Variants in SLC16A4 observed in about 807,000 individuals in gnomAD.
SLC16A4 encodes probable monocarboxylate transporter 5.
In SLC16A4, 39 loss-of-function variants were observed where a neutral mutation model predicts 47.9. That is an observed-to-expected ratio of 0.81 (90% confidence interval 0.63 to 1.06). SLC16A4 has a LOEUF of 1.06. Among genes scored for constraint, SLC16A4 ranks in the 50% least tolerant of loss-of-function variants. The probability of loss-of-function intolerance (pLI) is 0.00; values close to 1 mark genes in which losing one functional copy is unlikely to be tolerated. For synonymous variants in SLC16A4, 189 were observed against 199.9 expected, an observed-to-expected ratio of 0.95 and a Z score of 0.46; for missense variants, 524 against 573.8, an observed-to-expected ratio of 0.91 and a Z score of 0.89.
chr1:110,380,058 C>CAAAAAAAAAAAAAAAAAAAAAAAAAAAAA lies in SLC16A4; in HGVS notation c.527-703_527-702insTTTTTTTTTTTTTTTTTTTTTTTTTTTTT, dbSNP rs542273389. On this transcript the variant is annotated intron_variant, in intron 5 of 8. Coordinates refer to ENST00000369779, the MANE Select transcript of SLC16A4 (RefSeq NM_004696.3). ...AATGACAAAGCGAGAGAGCCTGTCTCAAAAAAAAAAAAAAAGCAGCGGGAG... is the reference window on the plus strand; with the variant it reads ...AATGACAAAGCGAGAGAGCCTGTCTCAAAAAAAAAAAAAAAAAAAAAAAAAAAAAAAAAAAAAAAAAAAAGCAGCGGGAG... Among the ~76,000 whole-genome samples the CAAAAAAAAAAAAAAAAAAAAAAAAAAAAA allele has an allele frequency of 7.7e-4, 74 of 96,192 alleles. 6 individuals are homozygous for CAAAAAAAAAAAAAAAAAAAAAAAAAAAAA. In the East Asian group the frequency reaches 9.4e-3, roughly 12 times the overall value. The allele number at this position is 96,192 out of a possible 152,430, so 63.1% of individuals were successfully genotyped here.
intron 8 of SLC16A4, among the ~76,000 whole-genome samples, chr1:110,374,403 G>A (rs1462775390): frequency 6.6e-6 from 1 of 152,156 alleles, no homozygotes; most frequent in African/African-American, 2.4e-5. Flanking sequence ...TTTAAAAAAT[G>A]ATAGTAGGAC....
intron 8 of SLC16A4, among the ~76,000 whole-genome samples, chr1:110,366,346 G>A (rs945110063): frequency 2.0e-5 from 3 of 152,122 alleles, no homozygotes; most frequent in African/African-American, 7.2e-5. Flanking sequence ...TTTTAGTAGA[G>A]ATGGGGTTTC....
intron 8 of SLC16A4, among the ~76,000 whole-genome samples, chr1:110,365,830 G>A (rs1435677580): frequency 6.6e-6 from 1 of 152,130 alleles, no homozygotes; most frequent in Admixed American, 6.6e-5. Flanking sequence ...ACACCCTGGG[G>A]AAAGACTAGG....
chr1:110,377,425 C>T (rs112273976), intron 6 of SLC16A4, among the ~76,000 whole-genome samples: 3,125 of 152,238 alleles, frequency 0.021, 56 homozygotes, highest in African/African-American at 0.031. Flanking sequence ...GGAAAGCTTA[C>T]GTCACTACAG....
chr1:110,373,162 C>T (rs890617800), intron 8 of SLC16A4, among the ~76,000 whole-genome samples: 1 of 152,056 alleles, frequency 6.6e-6, no homozygotes, highest in Admixed American at 6.5e-5. Flanking sequence ...ACTATTTAAA[C>T]ATTTTATTTT....
chr1:110,382,341 C>G (rs1662448918), intron 3 of SLC16A4, among the ~76,000 whole-genome samples: 2 of 152,062 alleles, frequency 1.3e-5, no homozygotes, highest in South Asian at 4.1e-4. Flanking sequence ...CGCCTGTAAT[C>G]CCAGCTAGTT....
chr1:110,377,211 T>A, intron 6 of SLC16A4, 50 bp from the exon 7 acceptor site: 1 of 1,433,386 alleles, frequency 7.0e-7, no homozygotes, highest in Non-Finnish European at 9.8e-7. Flanking sequence ...TTGAAAAATG[T>A]GAATGCATAC....
rs199647002 is a variant in SLC16A4, at chr1:110,381,162, A to G, written c.365-19T>C. ...CCCAAACCTAAAAGAAAAACGTAAT[A>G]GTTTAGAATCACTCTTACATTAAGT... On this transcript the variant is annotated intron_variant, in intron 4 of 8. Transcript: ENST00000369779. 7.0e-4 allele frequency: 1,124 copies of G among 1,611,370 alleles called. 2 individuals are homozygous for G. Among genetic ancestry groups the G allele is most frequent in the Non-Finnish European group, 9.0e-4 (1,066 of 1,177,918 alleles).
intron 1 of SLC16A4, among the ~76,000 whole-genome samples, chr1:110,390,627 G>A (rs903155686): frequency 5.3e-5 from 8 of 152,158 alleles, no homozygotes; most frequent in African/African-American, 9.7e-5. Context: ...AATCGGTTCC[G>A]TAAAATAAAC....
intron 2 of SLC16A4, among the ~76,000 whole-genome samples, chr1:110,385,064 C>A (rs1345462330): frequency 6.6e-6 from 1 of 152,130 alleles, no homozygotes; most frequent in Non-Finnish European, 1.5e-5. Flanking sequence ...TTCATTAATT[C>A]CACTTTCTCG....
In SLC16A4 at chr1:110,375,381, A is replaced by G. The variant is rs180959728; in HGVS notation, c.1336+77T>C. The G allele has an allele frequency of 2.3e-4, 194 of 829,996 alleles. No individual in the cohort carries two copies. In the African/African-American group the frequency reaches 2.7e-3, roughly 11 times the overall value. 51.4% of individuals were successfully genotyped at this position (829,996 alleles called of 1,614,324 possible). On this transcript the variant is annotated intron_variant, in intron 8 of 8. Transcript: ENST00000369779. ...TCTTTTAACCTGATACCATCATTAC[A>G]TGTTACCATTAATCCTGGATCAGTT...
chr1:110,373,333 G>C (rs913567048), intron 8 of SLC16A4, among the ~76,000 whole-genome samples: 7 of 152,122 alleles, frequency 4.6e-5, no homozygotes, highest in African/African-American at 1.7e-4. Context: ...GACAGCCAAT[G>C]AAGAAGGATC....
chr1:110,376,927 T>C, intron 7 of SLC16A4, 23 bp downstream of exon 7: 1 of 1,587,808 alleles, frequency 6.3e-7, no homozygotes, highest in Non-Finnish European at 8.6e-7. Context: ...GGTTTAACAA[T>C]GTTAATGAGT....
intron 8 of SLC16A4, among the ~76,000 whole-genome samples, chr1:110,364,924 G>A (rs1661299580): frequency 6.6e-6 from 1 of 151,172 alleles, no homozygotes; most frequent in Non-Finnish European, 1.5e-5. Flanking sequence ...AACTGAGTAG[G>A]TGATAGCAAA....
intron 6 of SLC16A4, 122 bp downstream of exon 6, chr1:110,378,731 T>A: frequency 7.7e-7 from 1 of 1,306,418 alleles, no homozygotes; most frequent in Non-Finnish European, 1.0e-6. Context: ...AAAATTTTAC[T>A]TTCTCTGGCC....
chr1:110,374,712 C>G (rs896008299), intron 8 of SLC16A4, among the ~76,000 whole-genome samples: 2 of 152,226 alleles, frequency 1.3e-5, no homozygotes, highest in Non-Finnish European at 2.9e-5. Flanking sequence ...CATATCAGAA[C>G]TCCCCAAATG....
rs1339256465 is a variant in SLC16A4, at chr1:110,382,985, G to C, written c.88-19C>G. 1.9e-6 allele frequency: 3 copies of C among 1,579,710 alleles called. No homozygotes were observed. Among genetic ancestry groups the C allele is most frequent in the Non-Finnish European group, 2.6e-6 (3 of 1,157,978 alleles). ...CATTCACCTAAATCAAAGCAGACCA[G>C]AGTCCAACTCAGGTGGTAAGTGAGC... On this transcript the variant is annotated intron_variant, in intron 2 of 8. Coordinates refer to ENST00000369779, the MANE Select transcript of SLC16A4 (RefSeq NM_004696.3).
chr1:110,390,491 A>G (rs1236126279), intron 1 of SLC16A4, among the ~76,000 whole-genome samples: 1 of 152,228 alleles, frequency 6.6e-6, no homozygotes, highest in Admixed American at 6.5e-5. Context: ...AAATTTGAAT[A>G]TGGACTGTAT....
At chr1:110,365,484 T>G (rs1661332357) in intron 8 of SLC16A4, among the ~76,000 whole-genome samples, 1 of 152,220 alleles carries the variant, frequency 6.6e-6, no homozygotes, top group Non-Finnish European at 1.5e-5. Flanking sequence ...TTCAACTAAC[T>G]TTAAGTTGCT....
Sources: gnomAD v4.1 joint callset for allele counts (sites outside exome capture counted in the v4.1 genomes callset) on GRCh38, gnomAD v4.1.1 for gene constraint, MANE v1.5 for transcripts, NCBI Gene and HGNC (gene_info 2026-07-23, HGNC 2026-07-21) for gene names.